SPOCK1: variants seen among roughly 807,000 people sequenced by gnomAD.
The protein encoded by SPOCK1 is SPARC (osteonectin), cwcv and kazal like domains proteoglycan 1.
SPOCK1 carries 23 observed loss-of-function variants against 55.3 expected under a neutral mutation model. That is an observed-to-expected ratio of 0.42 (90% confidence interval 0.30 to 0.59). The LOEUF (loss-of-function observed/expected upper bound fraction) is 0.59, where lower values mean the gene tolerates loss of function less well. Ranked by LOEUF, SPOCK1 falls within the 20% of genes least tolerant of loss-of-function variation. The pLI is 0.22. For synonymous variants in SPOCK1, 226 were observed against 221.0 expected, an observed-to-expected ratio of 1.02 and a Z score of -0.20; for missense variants, 499 against 552.5, an observed-to-expected ratio of 0.90 and a Z score of 0.97.
At chr5:137,450,527 G>A (rs1023508075) in intron 2 of SPOCK1, among the ~76,000 whole-genome samples, 9 of 152,104 alleles carry the variant, frequency 5.9e-5, no homozygotes, top group Admixed American at 2.6e-4. Context: ...TGTGACCTGC[G>A]CATTCACATA....
intron 5 of SPOCK1, among the ~76,000 whole-genome samples, chr5:137,106,216 C>A (rs1458693479): frequency 6.6e-6 from 1 of 151,932 alleles, no homozygotes; most frequent in African/African-American, 2.4e-5. Flanking sequence ...CACCAGATCT[C>A]CTCCCATTTT....
intron 3 of SPOCK1, among the ~76,000 whole-genome samples, chr5:137,225,949 C>A (rs972842799): frequency 6.6e-6 from 1 of 152,192 alleles, no homozygotes; most frequent in East Asian, 1.9e-4. Context: ...AGAAATGGTG[C>A]GGGCAGCCTT....
intron 3 of SPOCK1, among the ~76,000 whole-genome samples, chr5:137,191,330 C>T (rs1253166305): frequency 1.3e-5 from 2 of 151,828 alleles, no homozygotes; most frequent in Non-Finnish European, 2.9e-5. Flanking sequence ...AACTAATCTT[C>T]TCCATTCTCT....
At chr5:137,059,147 T>A (rs1334842127) in intron 6 of SPOCK1, among the ~76,000 whole-genome samples, 3 of 90,776 alleles carry the variant, frequency 3.3e-5, no homozygotes, top group Non-Finnish European at 7.8e-5. Flanking sequence ...AAAGTTTGAT[T>A]TTAGACATTA....
chr5:137,406,414 G>A lies in SPOCK1; in HGVS notation c.186+91959C>T, dbSNP rs78871979. Among the ~76,000 whole-genome samples the A allele has an allele frequency of 1.1e-4, 16 of 152,314 alleles. No individual in the cohort carries two copies. In the East Asian group the frequency reaches 3.1e-3, roughly 29 times the overall value. The stretch of plus-strand genomic sequence containing the variant: ...ACATTGAAGGCAACCAATGGGCCTG[G>A]GGGTCTGGGCAGAACACCAATTTTC... On this transcript the variant is annotated intron_variant, in intron 2 of 10. Transcript: ENST00000394945.
intron 2 of SPOCK1, among the ~76,000 whole-genome samples, chr5:137,361,153 T>A (rs1233470730): frequency 6.6e-6 from 1 of 152,200 alleles, no homozygotes; most frequent in African/African-American, 2.4e-5. Context: ...CATCTGCAAG[T>A]CAGCAAGTGG....
chr5:137,378,495 C>T (rs1751380660), intron 2 of SPOCK1, among the ~76,000 whole-genome samples: 3 of 152,232 alleles, frequency 2.0e-5, no homozygotes, highest in African/African-American at 2.4e-5. Context: ...ACTTGTCTCA[C>T]ACATGGATGG....
At chr5:137,113,459 A>C (rs1753513144) in intron 4 of SPOCK1, among the ~76,000 whole-genome samples, 1 of 152,192 alleles carries the variant, frequency 6.6e-6, no homozygotes, top group Non-Finnish European at 1.5e-5. Context: ...AATGTTTGGC[A>C]CTGGCCTTCC....
intron 5 of SPOCK1, among the ~76,000 whole-genome samples, chr5:137,084,172 G>A (rs984621440): frequency 6.6e-6 from 1 of 152,000 alleles, no homozygotes; most frequent in Admixed American, 6.6e-5. Context: ...AGCTATGGCT[G>A]TTATGTTGCC....
intron 2 of SPOCK1, among the ~76,000 whole-genome samples, chr5:137,338,909 A>G (rs1750351763): frequency 6.6e-6 from 1 of 152,198 alleles, no homozygotes; most frequent in South Asian, 2.1e-4. Flanking sequence ...TCAAAGATTA[A>G]GTCAAGGAAT....
chr5:137,069,575 C>T (rs1752570629), intron 5 of SPOCK1, among the ~76,000 whole-genome samples: 1 of 152,170 alleles, frequency 6.6e-6, no homozygotes, highest in African/African-American at 2.4e-5. Flanking sequence ...CTACAGAGAG[C>T]ACGTGGACTG....
At chr5:137,003,941 T>G (rs574175685) in intron 6 of SPOCK1, among the ~76,000 whole-genome samples, 1 of 152,140 alleles carries the variant, frequency 6.6e-6, no homozygotes, top group Admixed American at 6.6e-5. Flanking sequence ...ATTCACAGAT[T>G]ACATGGGGAG....
intron 3 of SPOCK1, among the ~76,000 whole-genome samples, chr5:137,194,019 C>A (rs1261096868): frequency 6.6e-6 from 1 of 152,166 alleles, no homozygotes; most frequent in East Asian, 1.9e-4. Flanking sequence ...CTGGGGTCAG[C>A]TCTCCTCCCC....
At chr5:137,463,500 T>C (rs1753534716) in intron 2 of SPOCK1, among the ~76,000 whole-genome samples, 1 of 127,684 alleles carries the variant, frequency 7.8e-6, no homozygotes, top group African/African-American at 3.1e-5. Context: ...AGTCGAAAGA[T>C]AGTTGCCAGA....
intron 2 of SPOCK1, among the ~76,000 whole-genome samples, chr5:137,355,619 C>A (rs1750775016): frequency 6.6e-6 from 1 of 152,196 alleles, no homozygotes; most frequent in Admixed American, 6.5e-5. Context: ...TGAGTGTTTG[C>A]AGTGACCATC....
At chr5:136,981,597 A>G (rs566924345) in intron 9 of SPOCK1, among the ~76,000 whole-genome samples, 5 of 152,242 alleles carry the variant, frequency 3.3e-5, no homozygotes, top group Admixed American at 2.6e-4. Context: ...AACCAAATGT[A>G]TGGGGGTTTA....
intron 2 of SPOCK1, among the ~76,000 whole-genome samples, chr5:137,391,786 C>T (rs1751729876): frequency 6.6e-6 from 1 of 152,138 alleles, no homozygotes; most frequent in Admixed American, 6.5e-5. Flanking sequence ...AAATCATCTC[C>T]AACTGCTTCC....
intron 3 of SPOCK1, among the ~76,000 whole-genome samples, chr5:137,176,095 A>C (rs570148605): frequency 6.6e-6 from 1 of 152,170 alleles, no homozygotes; most frequent in Non-Finnish European, 1.5e-5. Flanking sequence ...TATCTTCCTA[A>C]TGACTGAATT....
At chr5:136,999,727 CTA>C (rs1418681473) in intron 6 of SPOCK1, among the ~76,000 whole-genome samples, 7 of 152,150 alleles carry the variant, frequency 4.6e-5, no homozygotes, top group Admixed American at 4.6e-4. Context: ...TTATTCAAAG[CTA>C]TAGTGTTACT....
Sources: gnomAD v4.1 joint callset for allele counts (sites outside exome capture counted in the v4.1 genomes callset) on GRCh38, gnomAD v4.1.1 for gene constraint, MANE v1.5 for transcripts, NCBI Gene and HGNC (gene_info 2026-07-23, HGNC 2026-07-21) for gene names.